TIE1: variants seen among roughly 807,000 people sequenced by gnomAD.
The protein encoded by TIE1 is tyrosine-protein kinase receptor Tie-1.
A neutral mutation model predicts 130.5 loss-of-function variants in TIE1; 89 were observed. That is an observed-to-expected ratio of 0.68 (90% CI 0.57 to 0.81). TIE1 has a LOEUF of 0.81. Among genes scored for constraint, TIE1 ranks in the 40% least tolerant of loss-of-function variants. TIE1 has a pLI of 0.00. For synonymous variants in TIE1, 568 were observed against 629.4 expected (o/e 0.90, Z 1.46); for missense variants, 1,392 against 1,559.8 (o/e 0.89, Z 1.81).
rs1047593458 is a variant in TIE1 at position 43,316,206 on chromosome 1, G to A, written c.2410-993G>A. On this transcript the variant is annotated intron_variant, in intron 14 of 22. Transcript: ENST00000372476. The surrounding 1 kb of genome is among the most constrained non-coding windows in gnomAD (Gnocchi z 4.4). ...TTAAATGCGTGTGTCCCAGATGCAC[G>A]TGTCCCTATGCCTGTGCACCTTCAG... Among the ~76,000 whole-genome samples, 1 of 152,218 alleles carries A rather than the reference G, an allele frequency of 6.6e-6. No individual in the cohort carries two copies. Among genetic ancestry groups the A allele is most frequent in the Non-Finnish European group, 1.5e-5 (1 of 68,036 alleles).
Position 43,313,023 on chromosome 1 carries a change from C to G in TIE1, c.1928-112C>G. 1 of 1,293,110 alleles carries G rather than the reference C, an allele frequency of 7.7e-7. No homozygotes were observed. Among genetic ancestry groups the G allele is most frequent in the Non-Finnish European group, 1.1e-6 (1 of 941,038 alleles). The allele number at this position is 1,293,110 out of a possible 1,614,324, so 80.1% of individuals were successfully genotyped here. On this transcript the variant is annotated intron_variant, in intron 12 of 22. Coordinates refer to ENST00000372476, the MANE Select transcript of TIE1 (RefSeq NM_005424.5). The surrounding 1 kb of genome is among the most constrained non-coding windows in gnomAD (Gnocchi z 6.2). The stretch of plus-strand genomic sequence containing the variant: ...GGGAGGAGGAAGTTGGCAGGGTGGC[C>G]CCTGTGCTTGGACCCACAGAGGAGG...
intron 14 of TIE1, 75 bp downstream of exon 14, chr1:43,314,043 C>G (rs1267439824): frequency 1.4e-6 from 2 of 1,428,994 alleles, no homozygotes; most frequent in Middle Eastern, 1.7e-4. Flanking sequence ...CACACAATAC[C>G]TTGTACACCT....
In TIE1 at chr1:43,305,328, A is replaced by T. The variant is rs1646717854; in HGVS notation, c.469A>T (p.Ile157Phe). The change falls in exon 3 of 23, where the codon ATC becomes TTC. Residue 157 changes from isoleucine to phenylalanine, a missense_variant. By Grantham distance (21) the Ile-to-Phe change is conservative. Around this residue, in one of 6 missense-constraint regions of TIE1, gnomAD observed 415 missense variants for 424.8 expected, o/e 0.98. Transcript: ENST00000372476. ...GCACAAGGAGAAGCAGACAGACGTG[A>T]TCTGGAAGAGCAACGGTAAAGAGGG... is the stretch of plus-strand genomic sequence containing the variant. ...RVHKEKQTDV[I>F]WKSNGSYFYT... The T allele has an allele frequency of 6.4e-7, 1 of 1,554,066 alleles. No individual in the cohort carries two copies. The highest frequency in any genetic ancestry group is 1.6e-5 in the African/African-American group (1 of 64,088).
At chr1:43,321,053 A>C (rs536590211) in intron 19 of TIE1, among the ~76,000 whole-genome samples, 16 of 107,034 alleles carry the variant, frequency 1.5e-4, no homozygotes, top group East Asian at 3.0e-4. Context: ...AAAAAAAAAA[A>C]ACAAAACAAA....
chr1:43,310,416 C>T (rs1404574603), intron 9 of TIE1, among the ~76,000 whole-genome samples: 1 of 152,196 alleles, frequency 6.6e-6, no homozygotes, highest in East Asian at 1.9e-4. Context: ...GGATAGCTAG[C>T]ACTTGATGGG....
At chr1:43,311,853 A>G in intron 10 of TIE1, 24 bp downstream of exon 10, 1 of 1,606,600 alleles carries the variant, frequency 6.2e-7, no homozygotes, top group Non-Finnish European at 8.5e-7. Flanking sequence ...GAGCTGGGGC[A>G]GGACAGAGGT....
chr1:43,305,387 T>A, intron 3 of TIE1, 44 bp downstream of exon 3: 1 of 1,465,058 alleles, frequency 6.8e-7, no homozygotes, highest in Non-Finnish European at 9.1e-7. Flanking sequence ...AGACCCATCG[T>A]TCTGAGGCCC....
Position 43,306,951 on chromosome 1 carries a change from AAGCC to A in TIE1, c.601_604del (p.Ser201ProfsTer163). The A allele has an allele frequency of 1.9e-6, 3 of 1,614,036 alleles. No individual in the cohort carries two copies. The highest frequency in any genetic ancestry group is 2.5e-6 in the Non-Finnish European group (3 of 1,180,014). ...GGCATCTACAGTGCCACTTACCTGGAAGCCAGCCCCCTGGGCAGCGCCTTCTTTC... is the reference window on the plus strand; with the variant it reads ...GGCATCTACAGTGCCACTTACCTGGAAGCCCCCTGGGCAGCGCCTTCTTTC... On this transcript the variant is annotated frameshift_variant, in exon 4 of 23. Transcript: ENST00000372476. LOFTEE classifies it high-confidence loss of function. This position sits in a 1 kb window ranked among gnomAD's most constrained non-coding sequence, Gnocchi z 4.9.
chr1:43,321,595 C>T, intron 21 of TIE1, 21 bp from the exon 22 acceptor site: 4 of 1,554,642 alleles, frequency 2.6e-6, no homozygotes, highest in East Asian at 2.4e-5. Context: ...GACTCCTCAT[C>T]TCAGCAATGC....
chr1:43,317,339 C>A lies in TIE1; in HGVS notation c.2550C>A (p.Phe850Leu). 1 of 1,614,078 alleles carries A rather than the reference C, an allele frequency of 6.2e-7. No individual in the cohort carries two copies. Among genetic ancestry groups the A allele is most frequent in the South Asian group, 1.1e-5 (1 of 91,082 alleles). The change falls in exon 15 of 23, where the codon TTC (phenylalanine) becomes TTA (leucine). Residue 850 changes from phenylalanine (F) to leucine (L), a missense_variant. Physicochemically the swap from Phe to Leu is conservative, Grantham distance 22 (BLOSUM62 0). Coordinates refer to ENST00000372476, the MANE Select transcript of TIE1 (RefSeq NM_005424.5). The surrounding 1 kb of genome is among the most constrained non-coding windows in gnomAD (Gnocchi z 5.1). ...TFEDLIGEGN[F>L]GQVIRAMIKK... Reference sequence around the variant, plus strand: ...AGGACCTCATCGGGGAGGGGAACTTCGGCCAGGTCATCCGGGCCATGATCA... The same window carrying A: ...AGGACCTCATCGGGGAGGGGAACTTAGGCCAGGTCATCCGGGCCATGATCA...
At position 43,313,533 on chromosome 1, in the gene TIE1, T is replaced by C; in HGVS notation, c.2218+108T>C. 1 of 1,391,036 alleles carries C rather than the reference T, an allele frequency of 7.2e-7. No homozygotes were observed. 86.2% of individuals were successfully genotyped at this position (1,391,036 alleles called of 1,614,324 possible). On this transcript the variant is annotated intron_variant, in intron 13 of 22. Coordinates refer to ENST00000372476, the MANE Select transcript of TIE1 (RefSeq NM_005424.5). The surrounding 1 kb of genome is among the most constrained non-coding windows in gnomAD (Gnocchi z 6.2). ...GTGGAGCTAGGGCATCCCAGGCCCC[T>C]CCTGACAAAGAGTCAGCCCCAGTCC...
rs1177230586 is a variant in TIE1, at chr1:43,312,807, A to G, written c.1927+206A>G. 6.6e-6 allele frequency among the ~76,000 whole-genome samples: 1 copy of G among 152,034 alleles called. No individual in the cohort carries two copies. Among genetic ancestry groups the G allele is most frequent in the Non-Finnish European group, 1.5e-5 (1 of 67,998 alleles). On this transcript the variant is annotated intron_variant, in intron 12 of 22. Transcript: ENST00000372476. The surrounding 1 kb of genome is among the most constrained non-coding windows in gnomAD (Gnocchi z 5.6). The stretch of plus-strand genomic sequence containing the variant: ...GGGTACCAGGAGGACACAGATCACC[A>G]GGAGCATGTGGGGAGAGCATGGGGA...
chr1:43,312,581 A>C lies in TIE1; in HGVS notation c.1907A>C (p.His636Pro). Reference protein sequence around the residue: ...TLLGPASPPAHVLLPPSGPPA... With the variant: ...TLLGPASPPAPVLLPPSGPPA... ...CTGGGCCCGGCCTCGCCCCCTGCACACGTGCTTCTGCCCCCCAGTGGTATG... is the reference window on the plus strand; with the variant it reads ...CTGGGCCCGGCCTCGCCCCCTGCACCCGTGCTTCTGCCCCCCAGTGGTATG... Residue 636 changes from histidine to proline, a missense_variant, in exon 12 of 23, where the codon CAC becomes CCC. This residue lies in a region of TIE1 where 551 missense variants were observed against 565.5 expected (regional missense o/e 0.97). Coordinates refer to ENST00000372476, the MANE Select transcript of TIE1 (RefSeq NM_005424.5). The surrounding 1 kb of genome is among the most constrained non-coding windows in gnomAD (Gnocchi z 5.6). The C allele has an allele frequency of 3.7e-6, 6 of 1,608,040 alleles. No homozygotes were observed. The highest frequency in any genetic ancestry group is 5.1e-6 in the Non-Finnish European group (6 of 1,177,008).
In TIE1 at chr1:43,317,254, C is replaced by G; in HGVS notation, c.2465C>G (p.Pro822Arg). 1.9e-6 allele frequency: 3 copies of G among 1,614,160 alleles called. No individual in the cohort carries two copies. Among genetic ancestry groups the G allele is most frequent in the Non-Finnish European group, 2.5e-6 (3 of 1,180,032 alleles). ...SSGTLTLTRR[P>R]KLQPEPLSYP... ...GGGACCTTGACACTTACCCGGCGGC[C>G]AAAACTGCAGCCCGAGCCCCTGAGC... The change falls in exon 15 of 23, where the codon CCA becomes CGA. Residue 822 changes from proline to arginine, a missense_variant. Transcript: ENST00000372476. This position sits in a 1 kb window ranked among gnomAD's most constrained non-coding sequence, Gnocchi z 5.1.
At chr1:43,311,577 C>T (rs1646791581) in intron 9 of TIE1, 94 bp from the exon 10 acceptor site, 1 of 1,487,732 alleles carries the variant, frequency 6.7e-7, no homozygotes, top group South Asian at 1.3e-5. Context: ...AACTTGGTGT[C>T]CCTCAAGCCC....
At chr1:43,310,707 C>T (rs1391605295) in intron 9 of TIE1, among the ~76,000 whole-genome samples, 1 of 152,062 alleles carries the variant, frequency 6.6e-6, no homozygotes, top group Non-Finnish European at 1.5e-5. Context: ...GATTCGGAGG[C>T]CCATTTTATA....
intron 10 of TIE1, 21 bp downstream of exon 10, chr1:43,311,850 G>A (rs1320142389): frequency 6.2e-7 from 1 of 1,609,658 alleles, no homozygotes; most frequent in East Asian, 2.2e-5. Context: ...AGAGAGCTGG[G>A]GCAGGACAGA....
Position 43,319,184 on chromosome 1 carries a change from T to G in TIE1, c.2923-51T>G, listed in dbSNP as rs779281746. 4 of 1,403,776 alleles carry G rather than the reference T, an allele frequency of 2.8e-6. No homozygotes were observed. The highest frequency in any genetic ancestry group is 4.0e-6 in the Non-Finnish European group (4 of 988,304). The allele number at this position is 1,403,776 out of a possible 1,614,324, so 87.0% of individuals were successfully genotyped here. ...GACTGACTCCTTACTGGCCTGACTGTCCTGGGCTCCCTCATCCCCAGTCTC... is the reference window on the plus strand; with the variant it reads ...GACTGACTCCTTACTGGCCTGACTGGCCTGGGCTCCCTCATCCCCAGTCTC... On this transcript the variant is annotated intron_variant, in intron 17 of 22. Transcript: ENST00000372476. The surrounding 1 kb of genome is among the most constrained non-coding windows in gnomAD (Gnocchi z 4.7).
At position 43,306,993 on chromosome 1, in the gene TIE1, G is replaced by A. The variant is rs145046652; in HGVS notation, c.638G>A (p.Arg213Gln). 1.2e-5 allele frequency: 19 copies of A among 1,613,688 alleles called. No individual in the cohort carries two copies. The highest frequency in any genetic ancestry group is 1.1e-4 in the African/African-American group (8 of 74,914). ...AGCGCCTTCTTTCGGCTCATCGTGC[G>A]GGGTCAGAGGCAGAGGGCAGAGGTT... is the stretch of plus-strand genomic sequence containing the variant. ...LGSAFFRLIV[R>Q]GCGAGRWGPG... The change falls in exon 4 of 23, where the codon CGG becomes CAG. Residue 213 changes from arginine (R) to glutamine (Q), a missense_variant and splice_region_variant. Coordinates refer to ENST00000372476, the MANE Select transcript of TIE1 (RefSeq NM_005424.5). The surrounding 1 kb of genome is among the most constrained non-coding windows in gnomAD (Gnocchi z 4.9).
Sources: allele counts gnomAD v4.1 joint callset (sites outside exome capture counted in the v4.1 genomes callset), GRCh38; gene constraint gnomAD v4.1.1; regional missense constraint gnomAD v4.1.1; non-coding constraint Gnocchi (gnomAD v3.1); transcripts MANE v1.5; gene names NCBI Gene and HGNC (gene_info 2026-07-23, HGNC 2026-07-21).